OXTR: variants seen among roughly 807,000 people sequenced by gnomAD.
OXTR encodes oxytocin receptor.
Under a neutral mutation model 23.9 loss-of-function variants are expected in OXTR, and 19 were observed. The ratio of observed to expected loss-of-function variants is 0.80; its 90% CI spans 0.56 to 1.17. The LOEUF is 1.17. Ranked by LOEUF, OXTR falls within the 50% of genes most tolerant of loss-of-function variation. The pLI is 0.00. For synonymous variants in OXTR, 278 were observed against 250.5 expected (o/e 1.11, Z -1.04); for missense variants, 500 against 550.7 (o/e 0.91, Z 0.92).
In OXTR at chr3:8,767,392, T is replaced by C. The variant is rs1708634297; in HGVS notation, c.796A>G (p.Ile266Val). The change falls in exon 3 of 4, where the codon ATC becomes GTC. Residue 266 changes from isoleucine to valine, a missense_variant. By Grantham distance (29) the Ile-to-Val change is conservative. Transcript: ENST00000316793. The part of the protein sequence containing the change: ...ALARVSSVKL[I>V]SKAKIRTVKM... Reference sequence around the variant, plus strand: ...ACCGTGCGGATCTTGGCCTTGGAGATGAGCTTGACGCTGCTGACACGCGCC... The same window carrying C: ...ACCGTGCGGATCTTGGCCTTGGAGACGAGCTTGACGCTGCTGACACGCGCC... The C allele has an allele frequency of 6.2e-7, 1 of 1,612,426 alleles. No individual in the cohort carries two copies. Among genetic ancestry groups the C allele is most frequent in the African/African-American group, 1.3e-5 (1 of 74,846 alleles).
intron 3 of OXTR, among the ~76,000 whole-genome samples, chr3:8,757,824 A>G (rs1174897877): frequency 1.3e-5 from 2 of 152,184 alleles, no homozygotes; most frequent in African/African-American, 4.8e-5. Context: ...AAGAGGTCAG[A>G]CGTCCATCCT....
intron 3 of OXTR, among the ~76,000 whole-genome samples, chr3:8,762,338 GTTAT>G (rs1040991793): frequency 2.8e-4 from 43 of 152,344 alleles, no homozygotes; most frequent in Admixed American, 2.5e-3. Context: ...CTTTTTAGCT[GTTAT>G]TTATCAAACC....
At chr3:8,756,710 C>T (rs971133126) in intron 3 of OXTR, among the ~76,000 whole-genome samples, 7 of 152,232 alleles carry the variant, frequency 4.6e-5, no homozygotes, top group Admixed American at 2.0e-4. Context: ...CACAGCTGAG[C>T]TCCTCTCTGG....
rs753739373 is a variant in OXTR at position 8,753,057 on chromosome 3, T to G, written c.1090A>C (p.Lys364Gln). The G allele has an allele frequency of 6.2e-7, 1 of 1,614,158 alleles. No homozygotes were observed. The highest frequency in any genetic ancestry group is 2.2e-5 in the East Asian group (1 of 44,860). Residue 364 changes from lysine to glutamine, a missense_variant, in exon 4 of 4, where the codon AAA becomes CAA. Physicochemically the swap from Lys to Gln is moderately conservative, Grantham distance 53. Coordinates refer to ENST00000316793, the MANE Select transcript of OXTR (RefSeq NM_000916.4). The part of the protein sequence containing the change: ...GRRLGETSAS[K>Q]KSNSSSFVLS... ...ACAAAGGAGGACGAGTTGCTCTTTT[T>G]GCTGGCACTCGTCTCTCCCAGGCGT...
At chr3:8,753,498 A>T (rs1708313035) in intron 3 of OXTR, among the ~76,000 whole-genome samples, 1 of 152,104 alleles carries the variant, frequency 6.6e-6, no homozygotes, top group African/African-American at 2.4e-5. Context: ...CAGCTTTCCC[A>T]CTGCCTACCT....
At chr3:8,750,329 C>A (rs1424813429), downstream of OXTR, 1 of 152,144 alleles carries the variant, frequency 6.6e-6, no homozygotes, top group Non-Finnish European at 1.5e-5. Flanking sequence ...CATAGAGAAA[C>A]AAAAGTGCTG....
intron 3 of OXTR, among the ~76,000 whole-genome samples, chr3:8,759,865 GCTGGGACA>G (rs1335505084): frequency 1.3e-5 from 2 of 152,140 alleles, no homozygotes; most frequent in Non-Finnish European, 2.9e-5. Flanking sequence ...GGGCCTTGGG[GCTGGGACA>G]CTGGACACCA....
chr3:8,742,751 G>C, the OXTR span: 1 of 298,460 alleles, frequency 3.4e-6, no homozygotes, highest in Non-Finnish European at 6.7e-6. Context: ...TGGATGGATG[G>C]ATGAAAGGAT....
the OXTR span, among the ~76,000 whole-genome samples, chr3:8,741,546 A>G: frequency 2.6e-5 from 4 of 152,182 alleles, no homozygotes; most frequent in Non-Finnish European, 5.9e-5. Flanking sequence ...AGTTGAAAAA[A>G]GAAAACAAAC....
At chr3:8,742,861 A>G in the OXTR span, among the ~76,000 whole-genome samples, 1 of 152,174 alleles carries the variant, frequency 6.6e-6, no homozygotes, top group Admixed American at 6.5e-5. Context: ...TTTCATTGCT[A>G]TAAAGGAATA....
chr3:8,748,398 A>C (rs1169260958), downstream of OXTR, among the ~76,000 whole-genome samples: 1 of 152,182 alleles, frequency 6.6e-6, no homozygotes, highest in African/African-American at 2.4e-5. Context: ...CAGAACTCTG[A>C]TAACTGAGTG....
chr3:8,762,293 G>A (rs77943865), intron 3 of OXTR, among the ~76,000 whole-genome samples: 4,862 of 152,294 alleles, frequency 0.032, 111 homozygotes, highest in South Asian at 0.088. Flanking sequence ...CTGGTTTGGG[G>A]TTAGCTTTTG....
downstream of OXTR, among the ~76,000 whole-genome samples, chr3:8,749,946 G>T (rs1426027025): frequency 1.3e-5 from 2 of 152,160 alleles, no homozygotes; most frequent in Non-Finnish European, 2.9e-5. Context: ...ATCTCAGTAA[G>T]TACAAAAATG....
At chr3:8,753,287 G>A in intron 3 of OXTR, 63 bp from the exon 4 acceptor site, 1 of 1,556,724 alleles carries the variant, frequency 6.4e-7, no homozygotes, top group Admixed American at 1.8e-5. Context: ...GCCACTTCCA[G>A]ACCTATCTGA....
At position 8,751,487 on chromosome 3, in the gene OXTR, GT is replaced by G. The variant is rs1466922454; in HGVS notation, c.*1489del. On this transcript the variant is annotated 3_prime_UTR_variant, in exon 4 of 4. Coordinates refer to ENST00000316793, the MANE Select transcript of OXTR (RefSeq NM_000916.4). The stretch of plus-strand genomic sequence containing the variant: ...CAAGGTTACAAAGATCTATGCCTAT[GT>G]TTCTTTCTAAGATTTTATAGTTTCA... 2 of 152,116 alleles carry G rather than the reference GT, an allele frequency of 1.3e-5. No homozygotes were observed. The highest frequency in any genetic ancestry group is 2.1e-4 in the South Asian group (1 of 4,812). The allele number at this position is 152,116 out of a possible 1,614,324, so 9.4% of individuals were successfully genotyped here.
intron 3 of OXTR, among the ~76,000 whole-genome samples, chr3:8,764,733 C>A (rs560504825): frequency 2.2e-4 from 33 of 152,340 alleles, no homozygotes; most frequent in African/African-American, 7.2e-4. Flanking sequence ...CACGTCATCA[C>A]CTCTGTGTTT....
In OXTR at chr3:8,752,264, T is replaced by TG. The variant is rs928704985; in HGVS notation, c.*712dup. 9 of 152,142 alleles carry TG rather than the reference T, an allele frequency of 5.9e-5. No individual in the cohort carries two copies. Among genetic ancestry groups the TG allele is most frequent in the African/African-American group, 2.2e-4 (9 of 41,486 alleles). 9.4% of individuals were successfully genotyped at this position (152,142 alleles called of 1,614,324 possible). On this transcript the variant is annotated 3_prime_UTR_variant, in exon 4 of 4. Transcript: ENST00000316793. ...GCGTGTGTGTGTGTGTGTGTGTGTG[T>TG]GAGTTCCTTAGGATTTTCTATATAC...
rs944674653 is a variant in OXTR at position 8,751,189 on chromosome 3, A to C, written c.*1788T>G. ...CCATTTGCATATCTTCTTTGGAGAA[A>C]TGTCTATTCAAACCGTTAGCCCATT... On this transcript the variant is annotated 3_prime_UTR_variant, in exon 4 of 4. Transcript: ENST00000316793. 1 of 152,166 alleles carries C rather than the reference A, an allele frequency of 6.6e-6. No individual in the cohort carries two copies. The highest frequency in any genetic ancestry group is 6.5e-5 in the Admixed American group (1 of 15,274). The allele number at this position is 152,166 out of a possible 1,614,324, so 9.4% of individuals were successfully genotyped here.
chr3:8,767,409 A>ACACGCGCCAGGGC lies in OXTR; in HGVS notation c.766_778dup (p.Val260GlyfsTer153). The ACACGCGCCAGGGC allele has an allele frequency of 6.2e-7, 1 of 1,611,276 alleles. No homozygotes were observed. The highest frequency in any genetic ancestry group is 2.2e-5 in the East Asian group (1 of 44,760). ...CTTGGAGATGAGCTTGACGCTGCTG[A>ACACGCGCCAGGGC]CACGCGCCAGGGCCACGCGCCCCCC... On this transcript the variant is annotated frameshift_variant, in exon 3 of 4. Coordinates refer to ENST00000316793, the MANE Select transcript of OXTR (RefSeq NM_000916.4). LOFTEE classifies it high-confidence loss of function.
Sources: allele counts gnomAD v4.1 joint callset (sites outside exome capture counted in the v4.1 genomes callset), GRCh38; gene constraint gnomAD v4.1.1; transcripts MANE v1.5; gene names NCBI Gene and HGNC (gene_info 2026-07-23, HGNC 2026-07-21).